EME2: variants seen among roughly 807,000 people sequenced by gnomAD.
EME2 encodes structure-specific endonuclease subunit EME2.
A neutral mutation model predicts 41.9 loss-of-function variants in EME2; 58 were observed. That is an observed-to-expected ratio of 1.38 (90% confidence interval 1.12 to 1.72). The LOEUF is 1.72. Ranked by LOEUF, EME2 falls within the 40% of genes most tolerant of loss-of-function variation. The probability of loss-of-function intolerance (pLI) is 0.00; values close to 1 mark genes in which losing one functional copy is unlikely to be tolerated. For missense variants in EME2, 695 were observed against 541.9 expected, an observed-to-expected ratio of 1.28 and a Z score of -2.81; for synonymous variants, 334 against 239.3, an observed-to-expected ratio of 1.40 and a Z score of -3.65.
Position 1,777,589 on chromosome 16 carries a change from C to T in EME2, c.*1351C>T. ...GGGTGCACGCGCTGGCCCTGCCACT[C>T]CAGCCTGGCCTCACTGTCCCACCCC... On this transcript the variant is annotated 3_prime_UTR_variant, in exon 8 of 8. Transcript: ENST00000568449. 1 of 1,386,778 alleles carries T rather than the reference C, an allele frequency of 7.2e-7. No individual in the cohort carries two copies. The highest frequency in any genetic ancestry group is 2.4e-5 in the East Asian group (1 of 41,638). The allele number at this position is 1,386,778 out of a possible 1,614,324, so 85.9% of individuals were successfully genotyped here.
In EME2 at chr16:1,777,998, C is replaced by A. The variant is rs375474861; in HGVS notation, c.*1760C>A. Reference sequence around the variant, plus strand: ...CATCCCTGCCCAGCAGGCTGCAGAACGTGTGGCGGTATTTGTCCAGGTCCA... The same window carrying A: ...CATCCCTGCCCAGCAGGCTGCAGAAAGTGTGGCGGTATTTGTCCAGGTCCA... On this transcript the variant is annotated 3_prime_UTR_variant, in exon 8 of 8. Transcript: ENST00000568449. 6.2e-7 allele frequency: 1 copy of A among 1,613,194 alleles called. No individual in the cohort carries two copies. The highest frequency in any genetic ancestry group is 2.2e-5 in the East Asian group (1 of 44,860).
rs754518685 is a variant in EME2 at position 1,778,471 on chromosome 16, G to A, written c.*2233G>A. 2.2e-5 allele frequency: 35 copies of A among 1,611,244 alleles called. No homozygotes were observed. Among genetic ancestry groups the A allele is most frequent in the South Asian group, 1.4e-4 (13 of 91,046 alleles). ...TCTCCGCAGCGGCAGTCCCTGCCCCGGTGGGCCGAGTGCAGGCTGCTACAG... is the reference window on the plus strand; with the variant it reads ...TCTCCGCAGCGGCAGTCCCTGCCCCAGTGGGCCGAGTGCAGGCTGCTACAG... On this transcript the variant is annotated 3_prime_UTR_variant, in exon 8 of 8. Transcript: ENST00000568449.
In EME2 at chr16:1,778,859, T is replaced by G; in HGVS notation, c.*2621T>G. 2.4e-6 allele frequency: 1 copy of G among 421,902 alleles called. No individual in the cohort carries two copies. Among genetic ancestry groups the G allele is most frequent in the Non-Finnish European group, 4.2e-6 (1 of 239,006 alleles). The allele number at this position is 421,902 out of a possible 1,614,324, so 26.1% of individuals were successfully genotyped here. On this transcript the variant is annotated 3_prime_UTR_variant, in exon 8 of 8. Coordinates refer to ENST00000568449, the MANE Select transcript of EME2 (RefSeq NM_001257370.2). ...CCACAGAGCAGTAGCCAAGGCTGCCTGGCCTCCAAGTGGTTTCTAGACGGT... is the reference window on the plus strand; with the variant it reads ...CCACAGAGCAGTAGCCAAGGCTGCCGGGCCTCCAAGTGGTTTCTAGACGGT...
chr16:1,773,282 G>A lies in EME2; in HGVS notation c.55G>A (p.Gly19Arg). ...AGVSCQGRGRGRGGSGQRRPP... is the reference protein window; with the variant it reads ...AGVSCQGRGRRRGGSGQRRPP... ...GGTCTCTTGCCAGGGCCGGGGCCGG[G>A]GACGGGGCGGGAGCGGTCAGCGGCG... is the stretch of plus-strand genomic sequence containing the variant. Residue 19 changes from glycine to arginine, a missense_variant, in exon 1 of 8, where the codon GGA becomes AGA. Gly to Arg is a moderately radical substitution (Grantham distance 125). Coordinates refer to ENST00000568449, the MANE Select transcript of EME2 (RefSeq NM_001257370.2). 1.4e-6 allele frequency: 2 copies of A among 1,471,546 alleles called. No homozygotes were observed. The highest frequency in any genetic ancestry group is 1.8e-6 in the Non-Finnish European group (2 of 1,119,372). 91.2% of individuals were successfully genotyped at this position (1,471,546 alleles called of 1,614,324 possible).
At chr16:1,774,144 G>A in intron 2 of EME2, 116 bp from the exon 3 acceptor site, 4 of 943,406 alleles carry the variant, frequency 4.2e-6, no homozygotes, top group Non-Finnish European at 6.7e-6. Flanking sequence ...GAGCAGGCCT[G>A]TCAGGGCCTG....
chr16:1,777,030 C>T lies in EME2; in HGVS notation c.*792C>T, dbSNP rs2042723879. On this transcript the variant is annotated 3_prime_UTR_variant, in exon 8 of 8. Coordinates refer to ENST00000568449, the MANE Select transcript of EME2 (RefSeq NM_001257370.2). ...CTGGAGTGTGGCTGGAAGGAAGGGA[C>T]AGAGAAAGAAGGGACAGAGGAAAGG... 1 of 1,532,956 alleles carries T rather than the reference C, an allele frequency of 6.5e-7. No homozygotes were observed. The highest frequency in any genetic ancestry group is 1.2e-5 in the South Asian group (1 of 82,022). 95.0% of individuals were successfully genotyped at this position (1,532,956 alleles called of 1,614,324 possible). A position where few individuals can be genotyped will look rare whatever the true frequency, so the allele number is the denominator to read the frequency against.
In EME2 at chr16:1,773,185, G is replaced by C. The variant is rs2042651145; in HGVS notation, c.-43G>C. The C allele has an allele frequency of 1.4e-6, 2 of 1,434,020 alleles. No homozygotes were observed. Among genetic ancestry groups the C allele is most frequent in the Non-Finnish European group, 1.8e-6 (2 of 1,102,610 alleles). The allele number at this position is 1,434,020 out of a possible 1,614,324, so 88.8% of individuals were successfully genotyped here. ...GAAGAGGCCGGTGTCCCAGGCTAAAGTGTTCGGTCGCGGCCGGAAGCGAGG... is the reference window on the plus strand; with the variant it reads ...GAAGAGGCCGGTGTCCCAGGCTAAACTGTTCGGTCGCGGCCGGAAGCGAGG... On this transcript the variant is annotated 5_prime_UTR_variant, in exon 1 of 8. Coordinates refer to ENST00000568449, the MANE Select transcript of EME2 (RefSeq NM_001257370.2).
Position 1,774,285 on chromosome 16 carries a change from G to A in EME2, c.410G>A (p.Gly137Asp). ...CTGCCTCCTGAAGTGTGGGCTGCAGGTGAACAGGAATTGCTGCTGCTGCTG... is the reference window on the plus strand; with the variant it reads ...CTGCCTCCTGAAGTGTGGGCTGCAGATGAACAGGAATTGCTGCTGCTGCTG... ...RSLPPEVWAA[G>D]EQELLLLLEP... Residue 137 changes from glycine (G) to aspartate (D), a missense_variant, in exon 3 of 8, where the codon GGT (glycine) becomes GAT (aspartate). By Grantham distance (94) the Gly-to-Asp change is moderately conservative (BLOSUM62 -1). Coordinates refer to ENST00000568449, the MANE Select transcript of EME2 (RefSeq NM_001257370.2). 2 of 1,612,806 alleles carry A rather than the reference G, an allele frequency of 1.2e-6. No individual in the cohort carries two copies. Among genetic ancestry groups the A allele is most frequent in the African/African-American group, 1.3e-5 (1 of 75,078 alleles).
chr16:1,775,821 C>T lies in EME2; in HGVS notation c.804C>T (p.Phe268=), dbSNP rs765115616. 55 of 1,612,264 alleles carry T rather than the reference C, an allele frequency of 3.4e-5. No homozygotes were observed. The highest frequency in any genetic ancestry group is 4.5e-5 in the Non-Finnish European group (53 of 1,179,716). ...PLKQYRESQA[F]SFCTAGRWAA... ...GGCAGTACCGGGAATCCCAGGCCTT[C>T]TCCTTCTGCACAGCAGGGCGCTGGG... The change falls in exon 7 of 8, where the codon TTC becomes TTT. Residue 268 remains phenylalanine (F), a synonymous_variant. Transcript: ENST00000568449.
In EME2 at chr16:1,773,486, G is replaced by A. The variant is rs769631390; in HGVS notation, c.247+12G>A. On this transcript the variant is annotated intron_variant, in intron 1 of 7. Transcript: ENST00000568449. Reference sequence around the variant, plus strand: ...GTGCGTGGACACAGGTGCGGCGGAGGGCACGGGCGATACTCGGGGTAGGAA... The same window carrying A: ...GTGCGTGGACACAGGTGCGGCGGAGAGCACGGGCGATACTCGGGGTAGGAA... 1.7e-5 allele frequency: 27 copies of A among 1,578,890 alleles called. No individual in the cohort carries two copies. The highest frequency in any genetic ancestry group is 2.0e-5 in the Non-Finnish European group (24 of 1,171,724).
rs1596854051 is a variant in EME2, at chr16:1,777,507, C to T, written c.*1269C>T. On this transcript the variant is annotated 3_prime_UTR_variant, in exon 8 of 8. Coordinates refer to ENST00000568449, the MANE Select transcript of EME2 (RefSeq NM_001257370.2). ...AGGGGCCAGCTACTGGGCGCAGCCC[C>T]TCAGACCTCACGCTACAGTCACCCG... 3 of 1,428,650 alleles carry T rather than the reference C, an allele frequency of 2.1e-6. No homozygotes were observed. Among genetic ancestry groups the T allele is most frequent in the African/African-American group, 2.9e-5 (2 of 69,794 alleles). The allele number at this position is 1,428,650 out of a possible 1,614,324, so 88.5% of individuals were successfully genotyped here.
Position 1,778,212 on chromosome 16 carries a change from G to C in EME2, c.*1974G>C, listed in dbSNP as rs766442687. ...CCTCCCCCAGCTCCTTGGTGCCCCG[G>C]ATGGCCGCTGTGCCGCAGCTGTACT... is the stretch of plus-strand genomic sequence containing the variant. On this transcript the variant is annotated 3_prime_UTR_variant, in exon 8 of 8. Coordinates refer to ENST00000568449, the MANE Select transcript of EME2 (RefSeq NM_001257370.2). 4 of 1,612,970 alleles carry C rather than the reference G, an allele frequency of 2.5e-6. No individual in the cohort carries two copies. Among genetic ancestry groups the C allele is most frequent in the Non-Finnish European group, 3.4e-6 (4 of 1,179,964 alleles).
Position 1,778,268 on chromosome 16 carries a change from A to C in EME2, c.*2030A>C, listed in dbSNP as rs559780982. On this transcript the variant is annotated 3_prime_UTR_variant, in exon 8 of 8. Transcript: ENST00000568449. ...TGGAAGCTGACCTTACGGTTGTCAC[A>C]GCTCAGCAGGGTGGCTGATGACTTA... 1 of 1,612,908 alleles carries C rather than the reference A, an allele frequency of 6.2e-7. No homozygotes were observed. Among genetic ancestry groups the C allele is most frequent in the East Asian group, 2.2e-5 (1 of 44,886 alleles).
In EME2 at chr16:1,775,119, G is replaced by A. The variant is rs749219990; in HGVS notation, c.556G>A (p.Asp186Asn). Residue 186 changes from aspartate to asparagine, a missense_variant, in exon 4 of 8, where the codon GAT becomes AAT. Coordinates refer to ENST00000568449, the MANE Select transcript of EME2 (RefSeq NM_001257370.2). ...GCCCCACCTGGCTGTCATCGGGCTG[G>A]ATGCCTACCTGTGGTACCGCTCACT... is the stretch of plus-strand genomic sequence containing the variant. ...ARPHLAVIGL[D>N]AYLWSRQHVS... The A allele has an allele frequency of 1.2e-6, 2 of 1,612,042 alleles. No individual in the cohort carries two copies. The highest frequency in any genetic ancestry group is 2.2e-5 in the South Asian group (2 of 91,086).
In EME2 at chr16:1,780,630, C is replaced by T. The variant is rs1896677862; in HGVS notation, c.*4392C>T. On this transcript the variant is annotated 3_prime_UTR_variant, in exon 8 of 8. Transcript: ENST00000568449. ...GTTTTTTAACACACATATATGTGAA[C>T]AAAGAGTATGCGTTTGTACTGGCAG... The T allele has an allele frequency of 6.4e-6, 1 of 156,346 alleles. No individual in the cohort carries two copies. Among genetic ancestry groups the T allele is most frequent in the Non-Finnish European group, 1.4e-5 (1 of 70,370 alleles). The allele number at this position is 156,346 out of a possible 1,614,324, so 9.7% of individuals were successfully genotyped here. A position where few individuals can be genotyped will look rare whatever the true frequency, so the allele number is the denominator to read the frequency against.
chr16:1,776,254 C>T lies in EME2; in HGVS notation c.*16C>T. ...GGGCTCCTGACCACACGTGGGACCA[C>T]CAGGACAGCATGCAGCCTTGGGGAC... On this transcript the variant is annotated 3_prime_UTR_variant, in exon 8 of 8. Transcript: ENST00000568449. The T allele has an allele frequency of 6.2e-7, 1 of 1,611,364 alleles. No homozygotes were observed. Among genetic ancestry groups the T allele is most frequent in the Non-Finnish European group, 8.5e-7 (1 of 1,179,248 alleles).
Position 1,776,364 on chromosome 16 carries a change from T to C in EME2, c.*126T>C. ...GGTGGGTTCTCTGGCTGAGCAGGTCTGACCTCAGGGGAAGGGTGGGTGGTT... is the reference window on the plus strand; with the variant it reads ...GGTGGGTTCTCTGGCTGAGCAGGTCCGACCTCAGGGGAAGGGTGGGTGGTT... On this transcript the variant is annotated 3_prime_UTR_variant, in exon 8 of 8. Transcript: ENST00000568449. The C allele has an allele frequency of 3.4e-6, 3 of 871,196 alleles. No individual in the cohort carries two copies. Among genetic ancestry groups the C allele is most frequent in the Non-Finnish European group, 5.4e-6 (3 of 556,746 alleles). 54.0% of individuals were successfully genotyped at this position (871,196 alleles called of 1,614,324 possible). A position where few individuals can be genotyped will look rare whatever the true frequency, so the allele number is the denominator to read the frequency against.
rs1410302124 is a variant in EME2, at chr16:1,773,216, G to A, written c.-12G>A. The A allele has an allele frequency of 1.1e-5, 16 of 1,443,950 alleles. No homozygotes were observed. The Admixed American group carries it at 4.3e-4, about 39-fold the overall frequency. 89.4% of individuals were successfully genotyped at this position (1,443,950 alleles called of 1,614,324 possible). ...GGTCGCGGCCGGAAGCGAGGAAGAG[G>A]TCGGTCCGGCCATGGCGCGGGTTGG... is the stretch of plus-strand genomic sequence containing the variant. On this transcript the variant is annotated 5_prime_UTR_variant, in exon 1 of 8. Coordinates refer to ENST00000568449, the MANE Select transcript of EME2 (RefSeq NM_001257370.2).
chr16:1,776,533 G>A lies in EME2; in HGVS notation c.*295G>A, dbSNP rs772492068. ...GCCCCCCCAACACACACACACACTC[G>A]GCAGGGACCAGAAGGCAGCTCCAGG... On this transcript the variant is annotated 3_prime_UTR_variant, in exon 8 of 8. Coordinates refer to ENST00000568449, the MANE Select transcript of EME2 (RefSeq NM_001257370.2). 16 of 397,474 alleles carry A rather than the reference G, an allele frequency of 4.0e-5. No homozygotes were observed. Among genetic ancestry groups the A allele is most frequent in the South Asian group, 1.9e-4 (4 of 21,120 alleles). 24.6% of individuals were successfully genotyped at this position (397,474 alleles called of 1,614,324 possible). A position where few individuals can be genotyped will look rare whatever the true frequency, so the allele number is the denominator to read the frequency against.
Sources: allele counts gnomAD v4.1 joint callset, GRCh38; gene constraint gnomAD v4.1.1; transcripts MANE v1.5; gene names NCBI Gene and HGNC (gene_info 2026-07-23, HGNC 2026-07-21).